ABCC11: variants seen among roughly 807,000 people sequenced by gnomAD.
ABCC11 encodes ATP binding cassette subfamily C member 11.
ABCC11 carries 135 observed loss-of-function variants against 149.3 expected under a neutral mutation model. The ratio of observed to expected loss-of-function variants is 0.90; its 90% CI spans 0.79 to 1.04. ABCC11 has a LOEUF of 1.04. Ranked by LOEUF, ABCC11 falls within the 50% of genes least tolerant of loss-of-function variation. ABCC11 has a pLI of 0.00. For synonymous variants in ABCC11, 665 were observed against 671.4 expected (o/e 0.99, Z 0.15); for missense variants, 1,680 against 1,722.1 (o/e 0.98, Z 0.43).
intron 3 of ABCC11, among the ~76,000 whole-genome samples, chr16:48,229,481 G>A (rs1036605997): frequency 5.7e-5 from 7 of 122,038 alleles, no homozygotes; most frequent in Admixed American, 4.2e-4. Context: ...TTTTTGAGAC[G>A]GAGGCTCGCT....
Position 48,178,628 on chromosome 16 carries a change from G to C in ABCC11, c.3317C>G (p.Thr1106Arg). 6.2e-7 allele frequency: 1 copy of C among 1,614,094 alleles called. No individual in the cohort carries two copies. The change falls in exon 24 of 30, where the codon ACG (threonine) becomes AGG (arginine). Residue 1106 changes from threonine to arginine, a missense_variant. By Grantham distance (71) the Thr-to-Arg change is moderately conservative. Transcript: ENST00000356608. Reference protein sequence around the residue: ...RIGLETEAQFTAVERILQYMK... With the variant: ...RIGLETEAQFRAVERILQYMK... ...GTACTGCAGTATCCTCTCTACAGCCGTGAACTGTGCCTCTGTCTCCAAGCC... is the reference window on the plus strand; with the variant it reads ...GTACTGCAGTATCCTCTCTACAGCCCTGAACTGTGCCTCTGTCTCCAAGCC...
At chr16:48,205,131 T>G (rs958984832) in intron 13 of ABCC11, among the ~76,000 whole-genome samples, 1 of 152,204 alleles carries the variant, frequency 6.6e-6, no homozygotes, top group Non-Finnish European at 1.5e-5. Context: ...AGCGTAATAG[T>G]TAAGCACGAA....
Position 48,184,523 on chromosome 16 carries a change from A to G in ABCC11, c.3175T>C (p.Leu1059=). Residue 1059 remains leucine, a synonymous_variant, in exon 23 of 30, where the codon TTG becomes CTG. Coordinates refer to ENST00000356608, the MANE Select transcript of ABCC11 (RefSeq NM_001370497.1). ...AAAGCCACGAACAGGGCAACAGCCA[A>G]GGTCACAAGGTTGGTCATGATCTCC... is the stretch of plus-strand genomic sequence containing the variant. ...RLEIMTNLVT[L]AVALFVAFGI... The G allele has an allele frequency of 6.2e-7, 1 of 1,614,260 alleles. No individual in the cohort carries two copies. The highest frequency in any genetic ancestry group is 8.5e-7 in the Non-Finnish European group (1 of 1,180,042).
At chr16:48,189,864 A>G (rs1966856413) in intron 20 of ABCC11, among the ~76,000 whole-genome samples, 1 of 152,170 alleles carries the variant, frequency 6.6e-6, no homozygotes, top group African/African-American at 2.4e-5. Flanking sequence ...CACAATTTGC[A>G]TTCAGTCTAC....
At chr16:48,239,917 G>T (rs1454072212) in intron 1 of ABCC11, among the ~76,000 whole-genome samples, 1 of 152,100 alleles carries the variant, frequency 6.6e-6, no homozygotes. Context: ...CAACAAACAT[G>T]AAAAAAAGCT....
rs754325857 is a variant in ABCC11 at position 48,177,116 on chromosome 16, T to G, written c.3349-3A>C. On this transcript the variant is annotated splice_polypyrimidine_tract_variant and splice_region_variant and intron_variant, in intron 24 of 29. Coordinates refer to ENST00000356608, the MANE Select transcript of ABCC11 (RefSeq NM_001370497.1). ...AAAGGAGCTTCCGAGACACACATCT[T>G]GTTTTTGAAGAAAGAAAAAGAAATC... 1.2e-6 allele frequency: 2 copies of G among 1,610,820 alleles called. No homozygotes were observed. The highest frequency in any genetic ancestry group is 2.2e-5 in the South Asian group (2 of 90,770).
At chr16:48,215,152 C>A in intron 8 of ABCC11, 45 bp downstream of exon 8, 1 of 1,596,450 alleles carries the variant, frequency 6.3e-7, no homozygotes, top group Non-Finnish European at 8.6e-7. Flanking sequence ...GCTCGGCTTA[C>A]CATGCCATCA....
chr16:48,184,432 C>G lies in ABCC11; in HGVS notation c.3258+8G>C. 6.2e-7 allele frequency: 1 copy of G among 1,612,750 alleles called. No homozygotes were observed. On this transcript the variant is annotated splice_region_variant and intron_variant, in intron 23 of 29. Transcript: ENST00000356608. ...TCAGAGAGGGCCCACACAGAGTCAC[C>G]CCCTCACCTGCAGCACGATGTTGAC... is the stretch of plus-strand genomic sequence containing the variant.
At chr16:48,203,333 G>A (rs1968162721) in intron 13 of ABCC11, 33 bp from the exon 14 acceptor site, 1 of 1,535,606 alleles carries the variant, frequency 6.5e-7, no homozygotes, top group Non-Finnish European at 8.8e-7. Context: ...AGGCACAGGG[G>A]ACCAGCCCTC....
At chr16:48,188,789 A>T (rs1316223515) in intron 20 of ABCC11, among the ~76,000 whole-genome samples, 1 of 152,250 alleles carries the variant, frequency 6.6e-6, no homozygotes, top group Non-Finnish European at 1.5e-5. Context: ...TTAAAGGTTC[A>T]TGGCACTGAC....
intron 1 of ABCC11, chr16:48,244,435 T>A: frequency 6.3e-7 from 1 of 1,593,654 alleles, no homozygotes; most frequent in Non-Finnish European, 8.5e-7. Flanking sequence ...CTCCCGCTGC[T>A]GCTCACCCAC....
chr16:48,188,677 C>T (rs977977307), intron 20 of ABCC11, among the ~76,000 whole-genome samples: 1 of 152,188 alleles, frequency 6.6e-6, no homozygotes, highest in African/African-American at 2.4e-5. Flanking sequence ...GGCTCTGTAA[C>T]TTACTCATTA....
At chr16:48,187,627 G>A (rs1347338286) in intron 20 of ABCC11, among the ~76,000 whole-genome samples, 200 bp from the exon 21 acceptor site, 1 of 152,114 alleles carries the variant, frequency 6.6e-6, no homozygotes, top group South Asian at 2.1e-4. Flanking sequence ...TCTGACCTCG[G>A]GCAAGTACTG....
chr16:48,225,776 G>A (rs1444613640), intron 4 of ABCC11, among the ~76,000 whole-genome samples: 8 of 152,122 alleles, frequency 5.3e-5, no homozygotes, highest in African/African-American at 1.9e-4. Flanking sequence ...ATTGCCTAGC[G>A]CCACCTCCAC....
chr16:48,178,748 C>T (rs757638864), intron 23 of ABCC11, 62 bp from the exon 24 acceptor site: 68 of 1,419,482 alleles, frequency 4.8e-5, no homozygotes, highest in Non-Finnish European at 5.9e-5. Context: ...GGCTCTTCAA[C>T]GCTCCTGATA....
intron 14 of ABCC11, among the ~76,000 whole-genome samples, chr16:48,201,366 C>T (rs554745327): frequency 4.6e-4 from 70 of 152,264 alleles, no homozygotes; most frequent in Admixed American, 8.5e-4. Context: ...CTGCGACCTC[C>T]GCCTCTCAGT....
chr16:48,178,924 G>A (rs372567357), intron 23 of ABCC11, among the ~76,000 whole-genome samples: 176 of 152,278 alleles, frequency 1.2e-3, no homozygotes, highest in African/African-American at 4.0e-3. Flanking sequence ...TCCACCTCGA[G>A]TGCCCTCTGT....
In ABCC11 at chr16:48,231,876, G is replaced by C. The variant is rs1970442358; in HGVS notation, c.46C>G (p.Leu16Val). The C allele has an allele frequency of 1.2e-6, 2 of 1,614,156 alleles. No homozygotes were observed. The highest frequency in any genetic ancestry group is 4.5e-5 in the East Asian group (2 of 44,878). The change falls in exon 2 of 30, where the codon CTC becomes GTC. Residue 16 changes from leucine (L) to valine (V), a missense_variant. Transcript: ENST00000356608. ...CCTATGTCGATGCCACGATTCACGA[G>C]GCCACCAGAAGAGTTGGGCACCCAG... ...TYWVPNSSGG[L>V]VNRGIDIGDD... is the part of the protein sequence containing the mutation.
chr16:48,244,402 G>T, intron 1 of ABCC11: 2 of 1,567,456 alleles, frequency 1.3e-6, no homozygotes. Flanking sequence ...TCATCAGTGA[G>T]CCCCATCCAG....
Sources: gnomAD v4.1 joint callset for allele counts (sites outside exome capture counted in the v4.1 genomes callset) on GRCh38, gnomAD v4.1.1 for gene constraint, MANE v1.5 for transcripts, NCBI Gene and HGNC (gene_info 2026-07-23, HGNC 2026-07-21) for gene names.